NUB1: variants seen among roughly 807,000 people sequenced by gnomAD.
NUB1 encodes NEDD8 ultimate buster 1.
A neutral mutation model predicts 77.1 loss-of-function variants in NUB1; 41 were observed. The ratio of observed to expected loss-of-function variants is 0.53; its 90% confidence interval spans 0.41 to 0.69. The LOEUF (loss-of-function observed/expected upper bound fraction) is 0.69. NUB1 is among the 30% of genes least tolerant of loss of function. The pLI, the probability that NUB1 is intolerant of heterozygous loss-of-function variation, is 0.00. For synonymous variants in NUB1, 257 were observed against 281.0 expected (o/e 0.91, Z 0.85); for missense variants, 643 against 743.8 (o/e 0.86, Z 1.58).
At chr7:151,366,380 T>A (rs1317084904) in intron 8 of NUB1, among the ~76,000 whole-genome samples, 1 of 152,118 alleles carries the variant, frequency 6.6e-6, no homozygotes, top group Non-Finnish European at 1.5e-5. Flanking sequence ...ACGTAGGGAT[T>A]TTTTTGGTGT....
At chr7:151,352,378 A>T (rs775853443) in intron 4 of NUB1, 13 of 296,448 alleles carry the variant, frequency 4.4e-5, no homozygotes, top group Non-Finnish European at 8.1e-5. Flanking sequence ...TGAGTCAGTC[A>T]GTTGAAATCC....
intron 3 of NUB1, chr7:151,351,221 G>A (rs1056466435): frequency 7.3e-6 from 4 of 546,902 alleles, no homozygotes; most frequent in African/African-American, 1.9e-5. Flanking sequence ...GTGGTGCCAC[G>A]CTGCCGCCCC....
chr7:151,376,922 T>A (rs1798314616), intron 14 of NUB1, 111 bp downstream of exon 14: 1 of 1,430,894 alleles, frequency 7.0e-7, no homozygotes, highest in Non-Finnish European at 9.3e-7. Flanking sequence ...TCCCCTGACG[T>A]CACCGGGCCG....
At chr7:151,351,616 T>C in intron 4 of NUB1, 134 bp downstream of exon 4, 1 of 678,056 alleles carries the variant, frequency 1.5e-6, no homozygotes, top group Non-Finnish European at 2.5e-6. Flanking sequence ...AAATTGAGGC[T>C]TTGAGGTTGA....
At chr7:151,354,830 C>T (rs1039984226) in intron 5 of NUB1, among the ~76,000 whole-genome samples, 3 of 152,228 alleles carry the variant, frequency 2.0e-5, no homozygotes, top group African/African-American at 7.2e-5. Context: ...GCAGCCTCCA[C>T]CTCCCAGGTG....
chr7:151,352,332 T>G (rs962917995), intron 4 of NUB1: 6 of 329,940 alleles, frequency 1.8e-5, no homozygotes, highest in Non-Finnish European at 3.6e-5. Context: ...CAGTTTCAAA[T>G]AGCCGTCTAG....
intron 7 of NUB1, among the ~76,000 whole-genome samples, chr7:151,357,232 T>C (rs1797117845): frequency 6.6e-6 from 1 of 151,570 alleles, no homozygotes; most frequent in South Asian, 2.1e-4. Context: ...GTTGCCATTC[T>C]CCTGCTTCAG....
intron 5 of NUB1, among the ~76,000 whole-genome samples, chr7:151,354,298 T>C (rs1274737546): frequency 6.6e-6 from 1 of 151,486 alleles, no homozygotes; most frequent in Non-Finnish European, 1.5e-5. Context: ...AGTCTTAAAA[T>C]CTGGTGACCT....
At chr7:151,347,155 A>G (rs1174077931) in intron 2 of NUB1, among the ~76,000 whole-genome samples, 2 of 152,182 alleles carry the variant, frequency 1.3e-5, no homozygotes, top group East Asian at 3.8e-4. Flanking sequence ...GTATGTATAT[A>G]AATACAAAAA....
intron 5 of NUB1, among the ~76,000 whole-genome samples, chr7:151,353,589 G>A (rs1159251870): frequency 6.6e-6 from 1 of 152,190 alleles, no homozygotes; most frequent in African/African-American, 2.4e-5. Flanking sequence ...CTTCCTCAGT[G>A]TTAGTACATT....
At chr7:151,375,694 C>T (rs951826201) in intron 12 of NUB1, among the ~76,000 whole-genome samples, 154 bp from the exon 13 acceptor site, 11 of 152,232 alleles carry the variant, frequency 7.2e-5, no homozygotes, top group African/African-American at 2.7e-4. Flanking sequence ...GGCTGGAAGC[C>T]TTCTGTGAAC....
At chr7:151,355,679 A>G in intron 5 of NUB1, 89 bp from the exon 6 acceptor site, 3 of 1,309,106 alleles carry the variant, frequency 2.3e-6, no homozygotes, top group Non-Finnish European at 3.1e-6. Context: ...TCTCAAAAAT[A>G]AAAACAATTC....
chr7:151,373,386 G>C (rs1798046777), intron 11 of NUB1, among the ~76,000 whole-genome samples: 1 of 152,174 alleles, frequency 6.6e-6, no homozygotes, highest in Admixed American at 6.5e-5. Flanking sequence ...AAAATAAATT[G>C]GGAACTCTCC....
chr7:151,347,981 A>G (rs1036606303), intron 2 of NUB1, among the ~76,000 whole-genome samples: 2 of 152,330 alleles, frequency 1.3e-5, no homozygotes, highest in East Asian at 3.9e-4. Context: ...AGTATCCCGT[A>G]ACTGAAATAT....
At chr7:151,368,667 G>T in intron 10 of NUB1, 68 bp from the exon 11 acceptor site, 3 of 1,468,138 alleles carry the variant, frequency 2.0e-6, no homozygotes, top group Non-Finnish European at 2.7e-6. Flanking sequence ...TTTCTTTTAG[G>T]CTTTCACTTT....
intron 11 of NUB1, among the ~76,000 whole-genome samples, chr7:151,370,232 G>T (rs1797894060): frequency 6.6e-6 from 1 of 151,970 alleles, no homozygotes; most frequent in Non-Finnish European, 1.5e-5. Context: ...AATTACAGGT[G>T]CCCACCACCA....
chr7:151,377,096 T>C lies in NUB1; in HGVS notation c.1719T>C (p.Asn573=). The change falls in exon 15 of 15, where the codon AAT becomes AAC. Residue 573 remains asparagine (N), a synonymous_variant. Coordinates refer to ENST00000568733, the MANE Select transcript of NUB1 (RefSeq NM_001243351.2). ...TDEDMETEAV[N]EILEDIPEHE... ...AAGACATGGAGACAGAGGCCGTCAA[T>C]GAGATACTGGAAGACATTCCAGAGC... The C allele has an allele frequency of 6.3e-7, 1 of 1,581,116 alleles. No homozygotes were observed. Among genetic ancestry groups the C allele is most frequent in the Non-Finnish European group, 8.6e-7 (1 of 1,163,936 alleles).
At chr7:151,346,352 TGGTTCC>T (rs1056309581) in intron 2 of NUB1, among the ~76,000 whole-genome samples, 6 of 152,264 alleles carry the variant, frequency 3.9e-5, no homozygotes, top group African/African-American at 1.4e-4. Flanking sequence ...CCTTTGTCCC[TGGTTCC>T]TGGCAGAGCC....
At chr7:151,364,206 AG>A (rs905703224) in intron 8 of NUB1, among the ~76,000 whole-genome samples, 16 of 150,974 alleles carry the variant, frequency 1.1e-4, no homozygotes, top group African/African-American at 3.9e-4. Flanking sequence ...GCAGATCACG[AG>A]GTCAGGAGAT....
Sources: allele counts gnomAD v4.1 joint callset (sites outside exome capture counted in the v4.1 genomes callset), GRCh38; gene constraint gnomAD v4.1.1; transcripts MANE v1.5; gene names NCBI Gene and HGNC (gene_info 2026-07-23, HGNC 2026-07-21).